The following CSMD1 variants were observed in gnomAD, a reference collection of about 807,000 sequenced individuals.
The protein encoded by CSMD1 is CUB and Sushi multiple domains 1, also known as CUB and sushi domain-containing protein 1.
Under a neutral mutation model 417.5 loss-of-function variants are expected in CSMD1, and 213 were observed. The ratio of observed to expected loss-of-function variants is 0.51; its 90% CI spans 0.46 to 0.57. The LOEUF is 0.57. CSMD1 is among the 20% of genes least tolerant of loss of function. The pLI is 0.00. For missense variants in CSMD1, 6,923 were observed against 4,529.7 expected (o/e 1.53, Z -15.17); for synonymous variants, 2,862 against 1,736.8 (o/e 1.65, Z -16.11).
At chr8:4,774,315 T>C (rs1162336829) in intron 1 of CSMD1, among the ~76,000 whole-genome samples, 1 of 152,186 alleles carries the variant, frequency 6.6e-6, no homozygotes, top group Admixed American at 6.5e-5. Context: ...CAAGTTATAG[T>C]AATTGAGGGC....
chr8:3,488,936 A>T (rs1585240333), intron 11 of CSMD1, among the ~76,000 whole-genome samples: 1 of 152,208 alleles, frequency 6.6e-6, no homozygotes, highest in African/African-American at 2.4e-5. Context: ...TTTAAAACCG[A>T]AAATGTATTT....
intron 2 of CSMD1, among the ~76,000 whole-genome samples, chr8:4,624,435 A>T (rs764272493): frequency 9.9e-5 from 15 of 152,174 alleles, no homozygotes; most frequent in African/African-American, 3.6e-4. Context: ...CTCTGGAATT[A>T]CCAGCATATG....
At chr8:4,096,934 C>G (rs536649683) in intron 3 of CSMD1, among the ~76,000 whole-genome samples, 2 of 152,248 alleles carry the variant, frequency 1.3e-5, no homozygotes, top group South Asian at 2.1e-4. Context: ...GCAAACACCC[C>G]AAAAACAAAC....
intron 1 of CSMD1, among the ~76,000 whole-genome samples, chr8:4,676,855 TGA>T (rs1053125767): frequency 1.3e-5 from 2 of 150,972 alleles, no homozygotes; most frequent in Non-Finnish European, 1.5e-5. Context: ...TTTTATATAT[TGA>T]GAGAGAGATA....
chr8:3,464,704 A>T (rs1057436627), intron 12 of CSMD1, among the ~76,000 whole-genome samples: 2 of 151,854 alleles, frequency 1.3e-5, no homozygotes, highest in South Asian at 4.1e-4. Context: ...TATACTAGTC[A>T]TATAGAGTTT....
At chr8:3,518,411 T>C (rs1179178719) in intron 10 of CSMD1, among the ~76,000 whole-genome samples, 1 of 152,280 alleles carries the variant, frequency 6.6e-6, no homozygotes, top group South Asian at 2.1e-4. Flanking sequence ...TATTTAGAAA[T>C]AGACGGAGAC....
chr8:4,870,211 G>C (rs1258945688), intron 1 of CSMD1, among the ~76,000 whole-genome samples: 1 of 151,868 alleles, frequency 6.6e-6, no homozygotes, highest in Non-Finnish European at 1.5e-5. Flanking sequence ...TAATTCCCTG[G>C]TCCTTCTTCA....
intron 41 of CSMD1, among the ~76,000 whole-genome samples, chr8:3,140,876 C>T (rs908053503): frequency 4.6e-5 from 7 of 152,262 alleles, no homozygotes; most frequent in African/African-American, 1.7e-4. Context: ...GCAAACTTTT[C>T]TTAGAGATTG....
intron 1 of CSMD1, among the ~76,000 whole-genome samples, chr8:4,748,244 G>A (rs1311727544): frequency 6.6e-6 from 1 of 152,162 alleles, no homozygotes; most frequent in Non-Finnish European, 1.5e-5. Context: ...AGCAATTCAA[G>A]CAACCGATTA....
chr8:3,859,858 G>C (rs1045557821), intron 5 of CSMD1, among the ~76,000 whole-genome samples: 49 of 152,146 alleles, frequency 3.2e-4, no homozygotes, highest in African/African-American at 1.1e-3. Context: ...CCTGGGTACA[G>C]CCTCAGGCAT....
chr8:3,840,873 A>G (rs1803091335), intron 5 of CSMD1, among the ~76,000 whole-genome samples: 1 of 151,388 alleles, frequency 6.6e-6, no homozygotes, highest in African/African-American at 2.4e-5. Context: ...ACGCCCATTA[A>G]TTTTTGTATT....
intron 26 of CSMD1, among the ~76,000 whole-genome samples, chr8:3,234,621 C>A (rs1799041966): frequency 6.6e-6 from 1 of 152,186 alleles, no homozygotes; most frequent in South Asian, 2.1e-4. Context: ...AAGACTGGAA[C>A]ACAGGGAAAT....
chr8:3,488,735 T>C (rs1056763063), intron 11 of CSMD1, among the ~76,000 whole-genome samples: 2 of 152,254 alleles, frequency 1.3e-5, no homozygotes, highest in East Asian at 1.9e-4. Context: ...AAGCTAACAA[T>C]GGATAGACTT....
chr8:4,446,731 G>A (rs930800875), intron 2 of CSMD1, among the ~76,000 whole-genome samples: 7 of 136,002 alleles, frequency 5.1e-5, no homozygotes, highest in Non-Finnish European at 1.1e-4. Context: ...GTGTGTGTGT[G>A]TCTGTGTGTG....
chr8:4,124,547 G>A (rs539111474), intron 3 of CSMD1, among the ~76,000 whole-genome samples: 19 of 152,308 alleles, frequency 1.2e-4, no homozygotes, highest in Non-Finnish European at 2.4e-4. Context: ...ACTTACAGAA[G>A]CTTTGTGGCC....
rs562860805 is a variant in CSMD1 at position 4,396,506 on chromosome 8, C to T, written c.415+23447G>A. 1.3e-4 allele frequency among the ~76,000 whole-genome samples: 20 copies of T among 151,974 alleles called. 1 individual carries two copies. In the South Asian group the frequency reaches 4.1e-3, roughly 32 times the overall value. On this transcript the variant is annotated intron_variant, in intron 3 of 69. Transcript: ENST00000635120. The stretch of plus-strand genomic sequence containing the variant: ...GGAATTGCACTGGATTTATCGATTG[C>T]CAAAAGCATACGAAGAAGATACTTG...
chr8:3,201,655 A>C lies in CSMD1; in HGVS notation c.5055T>G (p.His1685Gln), dbSNP rs778857929. 1 of 1,606,754 alleles carries C rather than the reference A, an allele frequency of 6.2e-7. No homozygotes were observed. The highest frequency in any genetic ancestry group is 8.5e-7 in the Non-Finnish European group (1 of 1,176,488). ...NDLAELFDGT[H>Q]AQARLLSSLS... Reference sequence around the variant, plus strand: ...GTGAGCTGAGAAGTCTGGCCTGTGCATGGGTTCCATCAAATAATTCTGCCA... The same window carrying C: ...GTGAGCTGAGAAGTCTGGCCTGTGCCTGGGTTCCATCAAATAATTCTGCCA... The change falls in exon 32 of 70, where the codon CAT (histidine) becomes CAG (glutamine). Residue 1685 changes from histidine to glutamine, a missense_variant. Coordinates refer to ENST00000635120, the MANE Select transcript of CSMD1 (RefSeq NM_033225.6).
At chr8:3,828,526 C>T (rs1802185799) in intron 5 of CSMD1, among the ~76,000 whole-genome samples, 1 of 152,058 alleles carries the variant, frequency 6.6e-6, no homozygotes, top group African/African-American at 2.4e-5. Flanking sequence ...TCTATAATTC[C>T]TCTCCTTTTT....
intron 3 of CSMD1, among the ~76,000 whole-genome samples, chr8:4,183,682 G>C (rs904153888): frequency 6.6e-6 from 1 of 152,136 alleles, no homozygotes; most frequent in Non-Finnish European, 1.5e-5. Context: ...TAATTTTGTT[G>C]TGAGCAGAGA....
Sources: allele counts gnomAD v4.1 joint callset (sites outside exome capture counted in the v4.1 genomes callset), GRCh38; gene constraint gnomAD v4.1.1; transcripts MANE v1.5; gene names NCBI Gene and HGNC (gene_info 2026-07-23, HGNC 2026-07-21).